Variants in EPHX1 observed in about 807,000 individuals in gnomAD.
EPHX1 encodes epoxide hydrolase 1, also known as epoxide hydratase.
EPHX1 carries 40 observed loss-of-function variants against 43.2 expected under a neutral mutation model. The ratio of observed to expected loss-of-function variants is 0.93; its 90% CI spans 0.72 to 1.21. The LOEUF (loss-of-function observed/expected upper bound fraction) is 1.21, where lower values mean the gene tolerates loss of function less well. Among genes scored for constraint, EPHX1 ranks in the 50% most tolerant of loss-of-function variants. The pLI is 0.00. For synonymous variants in EPHX1, 221 were observed against 226.7 expected (o/e 0.98, Z 0.22); for missense variants, 550 against 570.4 (o/e 0.96, Z 0.36).
chr1:225,836,381 C>T (rs1024238195), intron 3 of EPHX1, among the ~76,000 whole-genome samples: 2 of 152,114 alleles, frequency 1.3e-5, no homozygotes, highest in Non-Finnish European at 2.9e-5. Context: ...ATGGCTTGAG[C>T]CCAGTAGTTT....
rs1052080309 is a variant in EPHX1, at chr1:225,838,712, G to A, written c.423G>A (p.Pro141=). 2.0e-5 allele frequency: 32 copies of A among 1,613,974 alleles called. No individual in the cohort carries two copies. Among genetic ancestry groups the A allele is most frequent in the African/African-American group, 2.7e-5 (2 of 74,888 alleles). ...KPPQLPAGHT[P]KPLLMVHGWP... ...CCCAGCTGCCCGCAGGCCATACCCC[G>A]AAGCCCTTGCTGATGGTGCACGGCT... Residue 141 remains proline, a synonymous_variant, in exon 4 of 9, where the codon CCG becomes CCA. Transcript: ENST00000272167.
chr1:225,819,088 G>A (rs60977635), intron 1 of EPHX1, among the ~76,000 whole-genome samples: 22,666 of 41,688 alleles, frequency 0.54, 6,107 homozygotes, highest in East Asian at 1. Flanking sequence ...TTAGCCGGGC[G>A]TAGTGGCGGG....
At chr1:225,841,694 C>T (rs534814508) in intron 6 of EPHX1, among the ~76,000 whole-genome samples, 4 of 151,534 alleles carry the variant, frequency 2.6e-5, no homozygotes, top group African/African-American at 9.7e-5. Flanking sequence ...CTCCACCTCC[C>T]GGGTTCAAGC....
chr1:225,839,183 T>G, intron 4 of EPHX1, 34 bp from the exon 5 acceptor site: 2 of 1,613,734 alleles, frequency 1.2e-6, no homozygotes, highest in Non-Finnish European at 1.7e-6. Flanking sequence ...TGCCTGTGAC[T>G]CCGTGACTCC....
rs897049730 is a variant in EPHX1 at position 225,845,530 on chromosome 1, C to T, written c.*183C>T. The stretch of plus-strand genomic sequence containing the variant: ...ACCCCCAACTCCGTGTGGTAAGCAA[C>T]ATGGCTTTGATGATAAACGACTTTA... On this transcript the variant is annotated 3_prime_UTR_variant, in exon 9 of 9. Transcript: ENST00000272167. 7 of 637,678 alleles carry T rather than the reference C, an allele frequency of 1.1e-5. No individual in the cohort carries two copies. The East Asian group carries it at 1.9e-4, about 17-fold the overall frequency. 39.5% of individuals were successfully genotyped at this position (637,678 alleles called of 1,614,324 possible). A position where few individuals can be genotyped will look rare whatever the true frequency, so the allele number is the denominator to read the frequency against.
At chr1:225,832,882 C>T (rs998807426) in intron 3 of EPHX1, among the ~76,000 whole-genome samples, 1 of 152,138 alleles carries the variant, frequency 6.6e-6, no homozygotes, top group Non-Finnish European at 1.5e-5. Context: ...TGTCTTTTGT[C>T]CATTTTTTGG....
At chr1:225,834,348 T>C (rs1013664960) in intron 3 of EPHX1, among the ~76,000 whole-genome samples, 6 of 151,568 alleles carry the variant, frequency 4.0e-5, no homozygotes, top group Non-Finnish European at 8.8e-5. Flanking sequence ...GAGGTTGCAG[T>C]GAGCCGAGAT....
At chr1:225,826,944 T>TG (rs1335854868) in intron 1 of EPHX1, among the ~76,000 whole-genome samples, 2 of 151,162 alleles carry the variant, frequency 1.3e-5, no homozygotes, top group Non-Finnish European at 2.9e-5. Context: ...AACGCGGAGG[T>TG]GGGGGGTGCC....
At chr1:225,822,075 C>T (rs1311162187) in intron 1 of EPHX1, among the ~76,000 whole-genome samples, 3 of 152,138 alleles carry the variant, frequency 2.0e-5, no homozygotes, top group Admixed American at 2.0e-4. Context: ...AGATTTTCTT[C>T]CACCTTTCAC....
In EPHX1 at chr1:225,816,429, T is replaced by G. The variant is rs572957060; in HGVS notation, c.-6+6260T>G. Reference sequence around the variant, plus strand: ...GTGGTGAACTGGGTTCTGCTTGAGTTTTTTCTCTGGTAATTTAGAACCAAT... The same window carrying G: ...GTGGTGAACTGGGTTCTGCTTGAGTGTTTTCTCTGGTAATTTAGAACCAAT... On this transcript the variant is annotated intron_variant, in intron 1 of 8. Transcript: ENST00000272167. 3.3e-5 allele frequency among the ~76,000 whole-genome samples: 5 copies of G among 152,240 alleles called. No individual in the cohort carries two copies. In the East Asian group the frequency reaches 9.6e-4, roughly 29 times the overall value.
Position 225,844,549 on chromosome 1 carries a change from A to G in EPHX1, c.1092A>G (p.Thr364=), listed in dbSNP as rs765459385. ...CCAACGTCATGCTCTACTGGACAAC[A>G]GGCACCATCATCTCCTCCCAGCGCT... ...LLTNVMLYWT[T]GTIISSQRFY... is the part of the protein sequence containing the mutation. The change falls in exon 8 of 9, where the codon ACA becomes ACG. Residue 364 remains threonine (T), a synonymous_variant. Coordinates refer to ENST00000272167, the MANE Select transcript of EPHX1 (RefSeq NM_001136018.4). 5 of 1,614,066 alleles carry G rather than the reference A, an allele frequency of 3.1e-6. No homozygotes were observed. In the African/African-American group the frequency reaches 5.3e-5, roughly 17 times the overall value.
chr1:225,816,195 A>T (rs1227590646), intron 1 of EPHX1, among the ~76,000 whole-genome samples: 1 of 152,184 alleles, frequency 6.6e-6, no homozygotes, highest in Non-Finnish European at 1.5e-5. Flanking sequence ...CAGGAGGCTG[A>T]GGCATGAGAA....
intron 1 of EPHX1, among the ~76,000 whole-genome samples, chr1:225,816,043 G>A (rs778009365): frequency 2.6e-5 from 4 of 152,098 alleles, no homozygotes; most frequent in Admixed American, 6.5e-5. Context: ...CTGTAATCCC[G>A]GCACTTTGGG....
intron 1 of EPHX1, among the ~76,000 whole-genome samples, chr1:225,827,187 T>C (rs2102710866): frequency 6.6e-6 from 1 of 152,244 alleles, no homozygotes; most frequent in Non-Finnish European, 1.5e-5. Flanking sequence ...ATGTAGCCAA[T>C]GGAGGACATG....
chr1:225,840,422 G>T (rs1001389265), intron 6 of EPHX1, among the ~76,000 whole-genome samples: 1 of 152,170 alleles, frequency 6.6e-6, no homozygotes. Context: ...TTGGGGAAGA[G>T]GTTCCCAGGC....
At chr1:225,841,168 T>G (rs965681706) in intron 6 of EPHX1, 3 of 152,252 alleles carry the variant, frequency 2.0e-5, no homozygotes, top group Non-Finnish European at 4.4e-5. Context: ...GAGATGGTTT[T>G]GATTGTGCCT....
intron 1 of EPHX1, among the ~76,000 whole-genome samples, chr1:225,823,038 A>G (rs1575990860): frequency 1.3e-5 from 2 of 152,180 alleles, no homozygotes; most frequent in Non-Finnish European, 2.9e-5. Flanking sequence ...AGGAACACAC[A>G]TGTTGATAAT....
At chr1:225,824,290 A>G (rs988656088) in intron 1 of EPHX1, among the ~76,000 whole-genome samples, 1 of 152,144 alleles carries the variant, frequency 6.6e-6, no homozygotes, top group African/African-American at 2.4e-5. Context: ...CTGAAGACTC[A>G]AGGCTGCAAA....
Position 225,833,893 on chromosome 1 carries a change from C to T in EPHX1, c.364+1934C>T, listed in dbSNP as rs139599349. The stretch of plus-strand genomic sequence containing the variant: ...CGGGCAGATCACAAGGTCAGGAGAT[C>T]GAGACCATCCTGGTCTAACTTGGTG... On this transcript the variant is annotated intron_variant, in intron 3 of 8. Coordinates refer to ENST00000272167, the MANE Select transcript of EPHX1 (RefSeq NM_001136018.4). Among the ~76,000 whole-genome samples the T allele has an allele frequency of 6.8e-3, 1,018 of 150,146 alleles. 13 individuals are homozygous for T. The highest frequency in any genetic ancestry group is 0.02 in the African/African-American group (829 of 40,880).
Sources: gnomAD v4.1 joint callset for allele counts (sites outside exome capture counted in the v4.1 genomes callset) on GRCh38, gnomAD v4.1.1 for gene constraint, MANE v1.5 for transcripts, NCBI Gene and HGNC (gene_info 2026-07-23, HGNC 2026-07-21) for gene names.